MS4A4E: variants seen among roughly 807,000 people sequenced by gnomAD.
The protein encoded by MS4A4E is membrane spanning 4-domains A4E.
A neutral mutation model predicts 13.3 loss-of-function variants in MS4A4E; 23 were observed. The observed-to-expected ratio is 1.73, with a 90% CI of 1.25 to 2.45. The LOEUF is 2.45. Among genes scored for constraint, MS4A4E ranks in the 30% most tolerant of loss-of-function variants. MS4A4E has a pLI of 0.00. For synonymous variants in MS4A4E, 36 were observed against 45.6 expected, an observed-to-expected ratio of 0.79 and a Z score of 0.85; for missense variants, 144 against 131.2, an observed-to-expected ratio of 1.10 and a Z score of -0.48.
intron 7 of MS4A4E, among the ~76,000 whole-genome samples, 140 bp from the exon 8 acceptor site, chr11:60,205,098 T>C (rs1485344513): frequency 6.6e-6 from 1 of 152,116 alleles, no homozygotes; most frequent in Admixed American, 6.5e-5. Flanking sequence ...TTGGAAAATA[T>C]GAATGTCCAT....
At chr11:60,234,098 T>A (rs1030996331) in intron 1 of MS4A4E, among the ~76,000 whole-genome samples, 3 of 152,214 alleles carry the variant, frequency 2.0e-5, no homozygotes, top group Non-Finnish European at 4.4e-5. Context: ...TGAGACAGTC[T>A]ATTCTATACC....
chr11:60,232,786 C>T (rs1371625620), intron 1 of MS4A4E, among the ~76,000 whole-genome samples: 2 of 152,144 alleles, frequency 1.3e-5, no homozygotes, highest in African/African-American at 4.8e-5. Flanking sequence ...CATTGCACCC[C>T]TCCATCTCTG....
chr11:60,237,530 C>T (rs1169859927), intron 1 of MS4A4E, among the ~76,000 whole-genome samples: 2 of 152,140 alleles, frequency 1.3e-5, no homozygotes, highest in East Asian at 1.9e-4. Flanking sequence ...CACAGTGTTC[C>T]ACAGTGGTTA....
intron 1 of MS4A4E, among the ~76,000 whole-genome samples, chr11:60,231,125 A>G (rs1590725674): frequency 6.6e-6 from 1 of 152,338 alleles, no homozygotes; most frequent in South Asian, 2.1e-4. Flanking sequence ...AATTGATTAA[A>G]GTTGGGAGAA....
intron 1 of MS4A4E, among the ~76,000 whole-genome samples, chr11:60,235,960 G>A (rs557118157): frequency 3.3e-5 from 5 of 152,270 alleles, no homozygotes; most frequent in African/African-American, 9.6e-5. Flanking sequence ...GTAAGAAAGT[G>A]TCCAACTTCA....
At chr11:60,202,221 T>A (rs1363121039) in intron 8 of MS4A4E, among the ~76,000 whole-genome samples, 1 of 152,224 alleles carries the variant, frequency 6.6e-6, no homozygotes, top group Non-Finnish European at 1.5e-5. Flanking sequence ...AGGAAAGGAA[T>A]TGGTGTAGGT....
At chr11:60,221,548 C>T (rs1209362979) in intron 3 of MS4A4E, among the ~76,000 whole-genome samples, 1 of 152,220 alleles carries the variant, frequency 6.6e-6, no homozygotes, top group Non-Finnish European at 1.5e-5. Context: ...CACTACAGCC[C>T]CTTCCTAGGA....
chr11:60,210,926 CAG>C (rs1172186289), intron 5 of MS4A4E, among the ~76,000 whole-genome samples: 3 of 152,218 alleles, frequency 2.0e-5, no homozygotes, highest in African/African-American at 7.2e-5. Context: ...ACGTAATTTA[CAG>C]AGTGTCTTGT....
Position 60,205,707 on chromosome 11 carries a change from T to G in MS4A4E, c.590+7A>C, listed in dbSNP as rs1419887578. ...GGTTGTCTGATTAGAAAGTCCACATTATTTACCACCATACAGTACTGTCGA... is the reference window on the plus strand; with the variant it reads ...GGTTGTCTGATTAGAAAGTCCACATGATTTACCACCATACAGTACTGTCGA... On this transcript the variant is annotated splice_region_variant and intron_variant, in intron 7 of 8. Coordinates refer to ENST00000651255, the MANE Select transcript of MS4A4E (RefSeq NM_001393391.1). 6.6e-5 allele frequency among the ~76,000 whole-genome samples: 10 copies of G among 152,320 alleles called. No homozygotes were observed. In the East Asian group the frequency reaches 1.5e-3, roughly 24 times the overall value.
Position 60,200,832 on chromosome 11 carries a change from G to T in MS4A4E, c.*711C>A, listed in dbSNP as rs189347834. On this transcript the variant is annotated 3_prime_UTR_variant, in exon 9 of 9. Coordinates refer to ENST00000651255, the MANE Select transcript of MS4A4E (RefSeq NM_001393391.1). ...ACACTTCCCAGATGGGGTGGTGGCC[G>T]GGCAGAGGGGCTCCTCACTTCCCAG... Among the ~76,000 whole-genome samples the T allele has an allele frequency of 6.6e-6, 1 of 151,498 alleles. No individual in the cohort carries two copies. Among genetic ancestry groups the T allele is most frequent in the African/African-American group, 2.5e-5 (1 of 40,776 alleles).
intron 1 of MS4A4E, among the ~76,000 whole-genome samples, chr11:60,235,620 T>C (rs1369127538): frequency 6.6e-6 from 1 of 152,188 alleles, no homozygotes; most frequent in African/African-American, 2.4e-5. Context: ...ATATCTTCTA[T>C]TTAGGTATTC....
intron 3 of MS4A4E, among the ~76,000 whole-genome samples, chr11:60,223,856 GT>G (rs5792175): frequency 0.15 from 22,564 of 151,998 alleles, 1,878 homozygotes; most frequent in African/African-American, 0.22. Flanking sequence ...ACCTCTCCTT[GT>G]GATTGTGTGA....
At chr11:60,209,790 C>G (rs1032755295) in intron 5 of MS4A4E, among the ~76,000 whole-genome samples, 1 of 152,232 alleles carries the variant, frequency 6.6e-6, no homozygotes, top group African/African-American at 2.4e-5. Flanking sequence ...CTCTTTTTCT[C>G]TCCATGGTTA....
chr11:60,203,569 C>T (rs530029758), intron 8 of MS4A4E, among the ~76,000 whole-genome samples: 1 of 152,060 alleles, frequency 6.6e-6, no homozygotes, highest in East Asian at 1.9e-4. Context: ...AGCAACATGG[C>T]GAAACCTTGT....
chr11:60,201,311 G>A lies in MS4A4E; in HGVS notation c.*232C>T, dbSNP rs569219819. ...GGGGGCTGACCCCCACCTCCCTCCCGGACGGGGTGGCTGCCTGGCGGAGAC... is the reference window on the plus strand; with the variant it reads ...GGGGGCTGACCCCCACCTCCCTCCCAGACGGGGTGGCTGCCTGGCGGAGAC... On this transcript the variant is annotated 3_prime_UTR_variant, in exon 9 of 9. Coordinates refer to ENST00000651255, the MANE Select transcript of MS4A4E (RefSeq NM_001393391.1). 1,329 of 163,638 alleles carry A rather than the reference G, an allele frequency of 8.1e-3. 15 individuals are homozygous for A. Among genetic ancestry groups the A allele is most frequent in the African/African-American group, 0.029 (1,215 of 41,244 alleles). The allele number at this position is 163,638 out of a possible 1,614,324, so 10.1% of individuals were successfully genotyped here.
intron 1 of MS4A4E, among the ~76,000 whole-genome samples, chr11:60,235,416 G>A (rs575329810): frequency 3.9e-5 from 6 of 152,210 alleles, no homozygotes; most frequent in South Asian, 2.1e-4. Context: ...TTTTTAACAC[G>A]GACAAAGTAA....
At chr11:60,215,449 C>T (rs60140800) in intron 3 of MS4A4E, among the ~76,000 whole-genome samples, 1,591 of 151,124 alleles carry the variant, frequency 0.011, 26 homozygotes, top group African/African-American at 0.032. Flanking sequence ...TTAAGAAAAA[C>T]GTTACCTGTT....
chr11:60,212,560 C>T (rs1297144420), intron 5 of MS4A4E, among the ~76,000 whole-genome samples: 7 of 152,136 alleles, frequency 4.6e-5, no homozygotes, highest in Non-Finnish European at 8.8e-5. Context: ...CCGCCTGGCT[C>T]GGCCTCCCAA....
At chr11:60,223,225 T>A (rs2084295182) in intron 3 of MS4A4E, among the ~76,000 whole-genome samples, 1 of 152,242 alleles carries the variant, frequency 6.6e-6, no homozygotes, top group African/African-American at 2.4e-5. Flanking sequence ...TGTTTGTGCA[T>A]GTATACATTT....
Sources: gnomAD v4.1 joint callset for allele counts (sites outside exome capture counted in the v4.1 genomes callset) on GRCh38, gnomAD v4.1.1 for gene constraint, MANE v1.5 for transcripts, NCBI Gene and HGNC (gene_info 2026-07-23, HGNC 2026-07-21) for gene names.